SV2C: variants seen among roughly 807,000 people sequenced by gnomAD.
SV2C encodes solute carrier family 22 member B3.
A neutral mutation model predicts 79.7 loss-of-function variants in SV2C; 49 were observed. The ratio of observed to expected loss-of-function variants is 0.61; its 90% CI spans 0.49 to 0.78. SV2C has a LOEUF of 0.78. Among genes scored for constraint, SV2C ranks in the 30% least tolerant of loss-of-function variants. The probability of loss-of-function intolerance (pLI) is 0.00; values close to 1 mark genes in which losing one functional copy is unlikely to be tolerated. For missense variants in SV2C, 833 were observed against 912.9 expected (o/e 0.91, Z 1.13); for synonymous variants, 334 against 333.2 (o/e 1.00, Z -0.03).
At chr5:76,078,251 G>A in the SV2C span, among the ~76,000 whole-genome samples, 1 of 152,186 alleles carries the variant, frequency 6.6e-6, no homozygotes, top group Non-Finnish European at 1.5e-5. Flanking sequence ...AGAGGGTTGT[G>A]GGAGAGCAGC....
At chr5:75,929,324 T>C in the SV2C span, among the ~76,000 whole-genome samples, 1 of 151,900 alleles carries the variant, frequency 6.6e-6, no homozygotes, top group Admixed American at 6.6e-5. Flanking sequence ...TCAGGACCCT[T>C]GAGCTCTTCT....
the SV2C span, among the ~76,000 whole-genome samples, chr5:75,962,750 A>G: frequency 6.6e-6 from 1 of 152,126 alleles, no homozygotes; most frequent in Non-Finnish European, 1.5e-5. Context: ...TTCATGAATG[A>G]GTTTTGAGCC....
chr5:75,976,783 T>C, the SV2C span, among the ~76,000 whole-genome samples: 5 of 152,172 alleles, frequency 3.3e-5, no homozygotes, highest in African/African-American at 1.2e-4. Flanking sequence ...TGCTCAATTG[T>C]TACCTAGAAG....
the SV2C span, among the ~76,000 whole-genome samples, chr5:75,984,241 A>C: frequency 6.6e-6 from 1 of 152,196 alleles, no homozygotes; most frequent in Non-Finnish European, 1.5e-5. Flanking sequence ...ATAAGTTACC[A>C]AAAAGCAGAT....
chr5:75,888,349 T>C, the SV2C span, among the ~76,000 whole-genome samples: 1 of 151,990 alleles, frequency 6.6e-6, no homozygotes, highest in Non-Finnish European at 1.5e-5. Flanking sequence ...AAAAAATTTT[T>C]TTTTTGAAAT....
chr5:75,874,931 T>A, the SV2C span, among the ~76,000 whole-genome samples: 1 of 152,150 alleles, frequency 6.6e-6, no homozygotes, highest in African/African-American at 2.4e-5. Flanking sequence ...TGGAAAAACA[T>A]TCCATGCTCA....
intron 10 of SV2C, 122 bp from the exon 11 acceptor site, chr5:76,300,607 G>A (rs1747956735): frequency 2.0e-6 from 2 of 977,764 alleles, no homozygotes; most frequent in Non-Finnish European, 3.1e-6. Flanking sequence ...AGCTAGCATA[G>A]GCCTGAAAGC....
chr5:76,300,760 AT>A lies in SV2C; in HGVS notation c.1671del (p.Phe557LeufsTer47). The A allele has an allele frequency of 6.2e-7, 1 of 1,614,148 alleles. No homozygotes were observed. The highest frequency in any genetic ancestry group is 8.5e-7 in the Non-Finnish European group (1 of 1,179,964). ...FEPYKFIDSE[F>X]KNCSFFHNKT... ...AGCCATATAAATTCATTGACAGTGA[AT>A]TTAAAAACTGCTCGTTTTTTCACAA... On this transcript the variant is annotated frameshift_variant, in exon 11 of 13. Transcript: ENST00000502798. LOFTEE classifies it high-confidence loss of function.
the SV2C span, among the ~76,000 whole-genome samples, chr5:76,047,162 G>A: frequency 6.6e-6 from 1 of 152,108 alleles, no homozygotes; most frequent in South Asian, 2.1e-4. Context: ...CTTGATGAAT[G>A]TTCACAAAGT....
At chr5:76,169,028 G>A (rs1264714027) in intron 2 of SV2C, among the ~76,000 whole-genome samples, 1 of 152,132 alleles carries the variant, frequency 6.6e-6, no homozygotes, top group Non-Finnish European at 1.5e-5. Context: ...TTAAAGTACT[G>A]CTGACTTCTC....
At chr5:75,855,526 C>A in the SV2C span, among the ~76,000 whole-genome samples, 4 of 152,044 alleles carry the variant, frequency 2.6e-5, no homozygotes, top group African/African-American at 7.2e-5. Context: ...GCATTGACAG[C>A]ATTTTTTCCA....
the SV2C span, among the ~76,000 whole-genome samples, chr5:75,928,971 C>T: frequency 6.6e-6 from 1 of 152,186 alleles, no homozygotes; most frequent in Admixed American, 6.5e-5. Context: ...TGCTTCTTTC[C>T]TCTGCCTGCA....
At chr5:76,312,359 TCTC>T (rs1422159009) in intron 12 of SV2C, among the ~76,000 whole-genome samples, 1 of 151,946 alleles carries the variant, frequency 6.6e-6, no homozygotes, top group African/African-American at 2.4e-5. Flanking sequence ...TTCAAGCAAT[TCTC>T]CTGCCTCGGC....
chr5:76,127,565 A>G (rs1276518973), intron 1 of SV2C, among the ~76,000 whole-genome samples: 1 of 152,142 alleles, frequency 6.6e-6, no homozygotes, highest in Middle Eastern at 3.2e-3. Context: ...AATATTTATC[A>G]AGTGGTTTTA....
At chr5:76,100,633 G>A (rs1229126858) in intron 1 of SV2C, among the ~76,000 whole-genome samples, 2 of 152,192 alleles carry the variant, frequency 1.3e-5, no homozygotes, top group Non-Finnish European at 2.9e-5. Flanking sequence ...AGGTGGGTGG[G>A]ATCTCAATAA....
chr5:76,106,414 A>G (rs1287300673), intron 1 of SV2C, among the ~76,000 whole-genome samples: 1 of 152,072 alleles, frequency 6.6e-6, no homozygotes, highest in Admixed American at 6.5e-5. Flanking sequence ...AATCTCTTAA[A>G]AGAAGTCAGA....
At chr5:75,990,402 A>G in the SV2C span, among the ~76,000 whole-genome samples, 1 of 151,924 alleles carries the variant, frequency 6.6e-6, no homozygotes, top group South Asian at 2.1e-4. Flanking sequence ...ATTTTAAATT[A>G]CTTTTCATTG....
At chr5:76,259,578 TC>T (rs930014369) in intron 4 of SV2C, among the ~76,000 whole-genome samples, 1 of 152,136 alleles carries the variant, frequency 6.6e-6, no homozygotes, top group African/African-American at 2.4e-5. Context: ...TAGGTATTTG[TC>T]CTAATGCTCT....
At chr5:76,044,480 C>T in the SV2C span, among the ~76,000 whole-genome samples, 2 of 152,268 alleles carry the variant, frequency 1.3e-5, no homozygotes, top group South Asian at 2.1e-4. Flanking sequence ...TTTGAGGAAT[C>T]GCCACACTGT....
Sources: gnomAD v4.1 joint callset for allele counts (sites outside exome capture counted in the v4.1 genomes callset) on GRCh38, gnomAD v4.1.1 for gene constraint, MANE v1.5 for transcripts, NCBI Gene and HGNC (gene_info 2026-07-23, HGNC 2026-07-21) for gene names.